Variants in FOXP2 observed in about 807,000 individuals in gnomAD.
FOXP2 encodes forkhead box protein P2.
In FOXP2, 12 loss-of-function variants were observed where a neutral mutation model predicts 115.8. The ratio of observed to expected loss-of-function variants is 0.10; its 90% CI spans 0.07 to 0.17. The LOEUF (loss-of-function observed/expected upper bound fraction) is 0.17, where lower values mean the gene tolerates loss of function less well. FOXP2 is among the 10% of genes least tolerant of loss of function. The probability of loss-of-function intolerance (pLI) is 1.00; values close to 1 mark genes in which losing one functional copy is unlikely to be tolerated. For synonymous variants in FOXP2, 328 were observed against 297.7 expected (o/e 1.10, Z -1.05); for missense variants, 629 against 843.5 (o/e 0.75, Z 3.15).
At chr7:114,451,891 T>C (rs1189891152) in intron 2 of FOXP2, among the ~76,000 whole-genome samples, 2 of 152,170 alleles carry the variant, frequency 1.3e-5, no homozygotes, top group Middle Eastern at 3.4e-3. Flanking sequence ...ATTTGAGTGA[T>C]GACAGCTGTT....
At chr7:114,195,747 A>T (rs1793886630) in intron 1 of FOXP2, among the ~76,000 whole-genome samples, 1 of 152,142 alleles carries the variant, frequency 6.6e-6, no homozygotes, top group African/African-American at 2.4e-5. Flanking sequence ...GTCCAGGAAG[A>T]AAGGGCTTAC....
At chr7:114,345,028 T>G (rs1791312011) in intron 2 of FOXP2, among the ~76,000 whole-genome samples, 1 of 53,880 alleles carries the variant, frequency 1.9e-5, no homozygotes, top group Admixed American at 1.6e-4. Flanking sequence ...TATTTGAAGT[T>G]ACTTTACTTT....
chr7:114,652,134 T>TGAAG, intron 8 of FOXP2, 69 bp from the exon 9 acceptor site: 1 of 1,441,572 alleles, frequency 6.9e-7, no homozygotes, highest in Non-Finnish European at 9.7e-7. Flanking sequence ...GTAGTGCTTT[T>TGAAG]TAAGTGTAGC....
intron 2 of FOXP2, among the ~76,000 whole-genome samples, chr7:114,310,849 G>A (rs1403062739): frequency 6.6e-6 from 1 of 152,098 alleles, no homozygotes; most frequent in African/African-American, 2.4e-5. Flanking sequence ...AAGCTCTCTA[G>A]CAGAAATGAA....
chr7:114,592,251 A>G (rs1026153246), intron 3 of FOXP2, among the ~76,000 whole-genome samples: 2 of 152,214 alleles, frequency 1.3e-5, no homozygotes, highest in African/African-American at 2.4e-5. Flanking sequence ...ACGTAATTCT[A>G]AAAATAATAT....
chr7:114,436,787 G>A (rs932990536), intron 2 of FOXP2, among the ~76,000 whole-genome samples: 9 of 151,978 alleles, frequency 5.9e-5, no homozygotes, highest in African/African-American at 9.7e-5. Context: ...GGTAGTAGAG[G>A]GGGTGGTCAA....
At chr7:114,397,140 G>A (rs975162665) in intron 2 of FOXP2, among the ~76,000 whole-genome samples, 64 of 151,872 alleles carry the variant, frequency 4.2e-4, no homozygotes, top group African/African-American at 1.4e-3. Flanking sequence ...AAAATAATTC[G>A]GAATAGTGAA....
intron 1 of FOXP2, among the ~76,000 whole-genome samples, chr7:114,218,541 G>A (rs1794540268): frequency 6.6e-6 from 1 of 152,276 alleles, no homozygotes; most frequent in African/African-American, 2.4e-5. Context: ...TCAGAGCTAT[G>A]TAGTACTTAA....
At chr7:114,229,119 T>A (rs1425529581) in intron 1 of FOXP2, among the ~76,000 whole-genome samples, 2 of 151,422 alleles carry the variant, frequency 1.3e-5, no homozygotes, top group Admixed American at 1.3e-4. Context: ...ATCAACCAGA[T>A]AGACTTTAAG....
At chr7:114,462,150 A>G (rs1336773751) in intron 2 of FOXP2, among the ~76,000 whole-genome samples, 1 of 150,660 alleles carries the variant, frequency 6.6e-6, no homozygotes, top group Non-Finnish European at 1.5e-5. Context: ...GCGCGGTGGC[A>G]CGTGCCTGTA....
At chr7:114,602,914 T>C (rs1803107135) in intron 3 of FOXP2, among the ~76,000 whole-genome samples, 1 of 152,160 alleles carries the variant, frequency 6.6e-6, no homozygotes, top group Non-Finnish European at 1.5e-5. Flanking sequence ...TGTAATACTG[T>C]AGACATTATG....
chr7:114,379,436 AC>A (rs1562894644), intron 2 of FOXP2, among the ~76,000 whole-genome samples: 1 of 151,812 alleles, frequency 6.6e-6, no homozygotes, highest in African/African-American at 2.4e-5. Context: ...CAACAGGAAA[AC>A]CCAAGTGTTG....
At chr7:114,254,673 T>C (rs968708378) in intron 1 of FOXP2, among the ~76,000 whole-genome samples, 3 of 152,154 alleles carry the variant, frequency 2.0e-5, no homozygotes, top group Non-Finnish European at 2.9e-5. Context: ...CCTACACTGG[T>C]TATTCTAGTT....
intron 1 of FOXP2, among the ~76,000 whole-genome samples, chr7:114,117,366 T>C (rs1247300821): frequency 6.6e-6 from 1 of 151,766 alleles, no homozygotes; most frequent in Non-Finnish European, 1.5e-5. Context: ...GGATTACAGA[T>C]GTGCACCACC....
At chr7:114,514,225 T>C (rs949025043) in intron 2 of FOXP2, among the ~76,000 whole-genome samples, 4 of 152,084 alleles carry the variant, frequency 2.6e-5, no homozygotes, top group African/African-American at 9.7e-5. Flanking sequence ...ATTGAATTAA[T>C]ATGTATTTTA....
chr7:114,190,025 G>A (rs777385808), intron 1 of FOXP2, among the ~76,000 whole-genome samples: 1 of 152,128 alleles, frequency 6.6e-6, no homozygotes, highest in Non-Finnish European at 1.5e-5. Flanking sequence ...CTCACTTGAT[G>A]CATTCTAGCA....
intron 3 of FOXP2, among the ~76,000 whole-genome samples, chr7:114,559,983 C>G (rs976535230): frequency 2.0e-5 from 3 of 151,892 alleles, no homozygotes; most frequent in African/African-American, 7.3e-5. Context: ...ACTTTAAAAT[C>G]TCAAATCCTT....
chr7:114,406,215 C>T (rs1194692338), intron 2 of FOXP2, among the ~76,000 whole-genome samples: 1 of 151,844 alleles, frequency 6.6e-6, no homozygotes, highest in East Asian at 1.9e-4. Flanking sequence ...GGATTACTTT[C>T]CCCATGTTCC....
At chr7:114,610,272 C>G (rs763418304) in intron 3 of FOXP2, among the ~76,000 whole-genome samples, 10 of 152,100 alleles carry the variant, frequency 6.6e-5, no homozygotes, top group Admixed American at 2.0e-4. Flanking sequence ...ATATTACTGT[C>G]TATATCTACA....
Sources: gnomAD v4.1 joint callset for allele counts (sites outside exome capture counted in the v4.1 genomes callset) on GRCh38, gnomAD v4.1.1 for gene constraint, MANE v1.5 for transcripts, NCBI Gene and HGNC (gene_info 2026-07-23, HGNC 2026-07-21) for gene names.